Variants in MGAT4C observed in about 807,000 individuals in gnomAD.
MGAT4C encodes alpha-1,3-mannosyl-glycoprotein 4-beta-N-acetylglucosaminyltransferase C.
A neutral mutation model predicts 40.1 loss-of-function variants in MGAT4C; 19 were observed. That is an observed-to-expected ratio of 0.47 (90% CI 0.33 to 0.70). The LOEUF (loss-of-function observed/expected upper bound fraction) is 0.70, where lower values mean the gene tolerates loss of function less well. MGAT4C is among the 30% of genes least tolerant of loss of function. The pLI is 0.02. For synonymous variants in MGAT4C, 181 were observed against 187.1 expected, an observed-to-expected ratio of 0.97 and a Z score of 0.27; for missense variants, 491 against 563.2, an observed-to-expected ratio of 0.87 and a Z score of 1.30.
At chr12:86,350,867 T>A (rs1025736316) in intron 3 of MGAT4C, among the ~76,000 whole-genome samples, 2 of 152,066 alleles carry the variant, frequency 1.3e-5, no homozygotes, top group Non-Finnish European at 2.9e-5. Context: ...TAATACAAAT[T>A]GACACAATCT....
chr12:86,679,115 C>T (rs571927778), intron 2 of MGAT4C, among the ~76,000 whole-genome samples: 9 of 152,006 alleles, frequency 5.9e-5, no homozygotes, highest in African/African-American at 1.4e-4. Context: ...TTTTAATGAT[C>T]GCCATTCTAA....
At chr12:86,219,419 C>T (rs1253208509) in intron 1 of MGAT4C, among the ~76,000 whole-genome samples, 1 of 152,050 alleles carries the variant, frequency 6.6e-6, no homozygotes, top group African/African-American at 2.4e-5. Flanking sequence ...ACCCATAATC[C>T]TGAGAAGACA....
chr12:86,714,551 G>A (rs1950611917), intron 2 of MGAT4C, among the ~76,000 whole-genome samples: 1 of 152,016 alleles, frequency 6.6e-6, no homozygotes, highest in African/African-American at 2.4e-5. Flanking sequence ...ATTTTATAAG[G>A]GGAAACTCCT....
At chr12:86,572,294 T>C (rs1357636252) in intron 2 of MGAT4C, among the ~76,000 whole-genome samples, 1 of 152,128 alleles carries the variant, frequency 6.6e-6, no homozygotes, top group African/African-American at 2.4e-5. Context: ...AGAAAATACT[T>C]CCACAAATTC....
chr12:86,673,362 T>C (rs1964309676), intron 2 of MGAT4C, among the ~76,000 whole-genome samples: 1 of 152,208 alleles, frequency 6.6e-6, no homozygotes, highest in East Asian at 1.9e-4. Context: ...TAGAGTTGTT[T>C]TGTTTATCAT....
chr12:86,433,113 T>C (rs1957072354), intron 3 of MGAT4C, among the ~76,000 whole-genome samples: 2 of 151,986 alleles, frequency 1.3e-5, no homozygotes, highest in South Asian at 4.1e-4. Flanking sequence ...AATGGTAGGA[T>C]ATCCTGCTGT....
In MGAT4C at chr12:86,556,046, T is replaced by C. The variant is rs575754108; in HGVS notation, c.-228-120781A>G. Among the ~76,000 whole-genome samples, 10 of 152,376 alleles carry C rather than the reference T, an allele frequency of 6.6e-5. 1 individual carries two copies. In the East Asian group the frequency reaches 1.9e-3, roughly 29 times the overall value. On this transcript the variant is annotated intron_variant, in intron 2 of 7. Transcript: ENST00000548651. ...TGTAGAACTGATATTTTCTCAAGTC[T>C]ATAATTCTTTTTGTTACATATAAAG...
intron 1 of MGAT4C, among the ~76,000 whole-genome samples, chr12:86,734,720 C>A (rs1276109244): frequency 6.6e-6 from 1 of 152,030 alleles, no homozygotes; most frequent in Non-Finnish European, 1.5e-5. Flanking sequence ...GAGCCTTGAT[C>A]TTGGATGTTC....
chr12:86,670,864 G>C (rs1341726482), intron 2 of MGAT4C, among the ~76,000 whole-genome samples: 1 of 152,144 alleles, frequency 6.6e-6, no homozygotes, highest in Non-Finnish European at 1.5e-5. Context: ...TTTGCCCCTA[G>C]ATAACTTTGC....
intron 2 of MGAT4C, among the ~76,000 whole-genome samples, chr12:86,559,216 T>A (rs913445896): frequency 6.6e-6 from 1 of 151,958 alleles, no homozygotes; most frequent in Non-Finnish European, 1.5e-5. Flanking sequence ...AATACTACAA[T>A]ACTCAGAACT....
intron 1 of MGAT4C, among the ~76,000 whole-genome samples, chr12:86,105,498 A>G (rs748459676): frequency 2.0e-5 from 3 of 152,166 alleles, no homozygotes; most frequent in Non-Finnish European, 4.4e-5. Flanking sequence ...CAAATAACCT[A>G]TATTGATTGA....
At chr12:86,741,048 A>G (rs1951060539) in intron 1 of MGAT4C, among the ~76,000 whole-genome samples, 1 of 150,798 alleles carries the variant, frequency 6.6e-6, no homozygotes, top group South Asian at 2.1e-4. Context: ...TCTCATCATT[A>G]TGTTCATGTG....
intron 1 of MGAT4C, among the ~76,000 whole-genome samples, chr12:86,103,422 A>G (rs558228968): frequency 6.6e-6 from 1 of 152,282 alleles, no homozygotes; most frequent in Admixed American, 6.5e-5. Flanking sequence ...GGAACAGACA[A>G]TGTGACTACA....
At chr12:86,063,757 T>A (rs766484137) in intron 1 of MGAT4C, among the ~76,000 whole-genome samples, 4 of 152,180 alleles carry the variant, frequency 2.6e-5, no homozygotes, top group Non-Finnish European at 4.4e-5. Flanking sequence ...AATCCTTGTC[T>A]CTGATGAAAC....
intron 1 of MGAT4C, among the ~76,000 whole-genome samples, chr12:86,808,603 T>A (rs1952409084): frequency 6.6e-6 from 1 of 151,980 alleles, no homozygotes; most frequent in Admixed American, 6.6e-5. Flanking sequence ...AAACTCTCAA[T>A]AAACTAGGTA....
rs1353695906 is a variant in MGAT4C at position 86,521,481 on chromosome 12, T to G, written c.-228-86216A>C. ...TGCTCTGTTTACTGTAGCCCTGTAGTATAGTTTGAAGTTGGGTAATGTGAT... is the reference window on the plus strand; with the variant it reads ...TGCTCTGTTTACTGTAGCCCTGTAGGATAGTTTGAAGTTGGGTAATGTGAT... On this transcript the variant is annotated intron_variant, in intron 2 of 7. Coordinates refer to the MGAT4C transcript ENST00000548651. 2.6e-5 allele frequency among the ~76,000 whole-genome samples: 4 copies of G among 152,260 alleles called. No individual in the cohort carries two copies. In the South Asian group the frequency reaches 6.2e-4, roughly 24 times the overall value.
intron 2 of MGAT4C, among the ~76,000 whole-genome samples, chr12:85,999,713 C>G (rs1887085060): frequency 6.6e-6 from 1 of 151,900 alleles, no homozygotes; most frequent in African/African-American, 2.4e-5. Flanking sequence ...GAAATCCTGT[C>G]ATTTGCAGCA....
At chr12:86,462,068 G>A (rs940835258) in intron 2 of MGAT4C, among the ~76,000 whole-genome samples, 1 of 152,104 alleles carries the variant, frequency 6.6e-6, no homozygotes, top group Non-Finnish European at 1.5e-5. Context: ...GTTAAGAGTT[G>A]GAACAGATGG....
intron 1 of MGAT4C, among the ~76,000 whole-genome samples, chr12:86,141,056 T>G (rs762373369): frequency 2.6e-5 from 4 of 152,156 alleles, no homozygotes; most frequent in Non-Finnish European, 5.9e-5. Flanking sequence ...CTTATTTCCT[T>G]CCACTGGCAC....
Sources: gnomAD v4.1 joint callset for allele counts (sites outside exome capture counted in the v4.1 genomes callset) on GRCh38, gnomAD v4.1.1 for gene constraint, MANE v1.5 for transcripts, NCBI Gene and HGNC (gene_info 2026-07-23, HGNC 2026-07-21) for gene names.